TRPM3: variants seen among roughly 807,000 people sequenced by gnomAD.
The protein encoded by TRPM3 is long transient receptor potential channel 3.
Under a neutral mutation model 181.2 loss-of-function variants are expected in TRPM3, and 77 were observed. The observed-to-expected ratio is 0.42, with a 90% CI of 0.35 to 0.51. TRPM3 has a LOEUF of 0.51. Ranked by LOEUF, TRPM3 falls within the 20% of genes least tolerant of loss-of-function variation. The pLI, the probability that TRPM3 is intolerant of heterozygous loss-of-function variation, is 0.01. For synonymous variants in TRPM3, 745 were observed against 796.4 expected (o/e 0.94, Z 1.09); for missense variants, 1,759 against 2,196.7 (o/e 0.80, Z 3.98).
At chr9:71,192,532 A>T (rs1302915702) in intron 1 of TRPM3, among the ~76,000 whole-genome samples, 3 of 151,912 alleles carry the variant, frequency 2.0e-5, no homozygotes, top group Non-Finnish European at 4.4e-5. Flanking sequence ...ATGTTTTCAC[A>T]TACTTGTTGG....
At chr9:71,123,484 T>A (rs1286117298), upstream of TRPM3, among the ~76,000 whole-genome samples, 1 of 152,202 alleles carries the variant, frequency 6.6e-6, no homozygotes, top group Admixed American at 6.5e-5. Flanking sequence ...GGCAAAGCAC[T>A]TAGAACAGTG....
intron 25 of TRPM3, among the ~76,000 whole-genome samples, chr9:70,546,676 GA>G (rs76948604): frequency 0.11 from 9,132 of 86,542 alleles, 864 homozygotes; most frequent in African/African-American, 0.31. Flanking sequence ...CTCCTCATCG[GA>G]AAAAAAAAAA....
chr9:71,398,916 A>T (rs1350434396), intron 1 of TRPM3, among the ~76,000 whole-genome samples: 2 of 152,234 alleles, frequency 1.3e-5, no homozygotes, highest in African/African-American at 4.8e-5. Flanking sequence ...AGTAATGTAA[A>T]CTTTAAAATG....
chr9:70,770,058 A>C (rs2079919847), intron 7 of TRPM3, among the ~76,000 whole-genome samples: 1 of 152,126 alleles, frequency 6.6e-6, no homozygotes, highest in Non-Finnish European at 1.5e-5. Context: ...TATCTCTAAG[A>C]AATATTATTG....
At chr9:71,414,743 G>A (rs984420822) in intron 1 of TRPM3, among the ~76,000 whole-genome samples, 20 of 151,962 alleles carry the variant, frequency 1.3e-4, no homozygotes, top group African/African-American at 4.3e-4. Context: ...CCCAAGATTC[G>A]TATGATTATT....
chr9:70,858,133 C>G (rs1015193806), intron 3 of TRPM3, among the ~76,000 whole-genome samples: 40 of 152,292 alleles, frequency 2.6e-4, no homozygotes, highest in African/African-American at 8.9e-4. Context: ...AACACAAGGG[C>G]TTCAACTTGG....
At chr9:70,549,916 C>G (rs2131819855) in intron 24 of TRPM3, among the ~76,000 whole-genome samples, 1 of 152,188 alleles carries the variant, frequency 6.6e-6, no homozygotes, top group Non-Finnish European at 1.5e-5. Flanking sequence ...ACTGCAGGAG[C>G]TGAGTAGAAT....
chr9:70,575,440 A>G (rs1280382036), intron 22 of TRPM3, among the ~76,000 whole-genome samples: 1 of 152,076 alleles, frequency 6.6e-6, no homozygotes, highest in Non-Finnish European at 1.5e-5. Context: ...ATTCTTTCCC[A>G]AATTTTGGTC....
Position 70,625,631 on chromosome 9 carries a change from G to T in TRPM3, c.1633-114C>A, listed in dbSNP as rs548439932. ...GGGAGAAAAAAACACCAGTGTAGAA[G>T]AAAGAAACACAAGGCTAGACAGGGC... On this transcript the variant is annotated intron_variant, in intron 12 of 25. Transcript: ENST00000677713. This position sits in a 1 kb window ranked among gnomAD's most constrained non-coding sequence, Gnocchi z 4.8. 4.0e-4 allele frequency: 431 copies of T among 1,075,948 alleles called. 1 individual carries two copies. The highest frequency in any genetic ancestry group is 5.6e-4 in the Non-Finnish European group (405 of 728,080). The allele number at this position is 1,075,948 out of a possible 1,614,324, so 66.7% of individuals were successfully genotyped here.
At chr9:70,756,455 A>T (rs1224302850) in intron 8 of TRPM3, among the ~76,000 whole-genome samples, 1 of 152,166 alleles carries the variant, frequency 6.6e-6, no homozygotes, top group Admixed American at 6.6e-5. Context: ...AATAACAAGG[A>T]TATTCATGAC....
At chr9:70,577,058 G>C (rs62545471) in intron 22 of TRPM3, among the ~76,000 whole-genome samples, 38,299 of 152,056 alleles carry the variant, frequency 0.25, 5,318 homozygotes, top group Admixed American at 0.32. Flanking sequence ...AGTGACTCTT[G>C]ATCCTGCTAG....
At chr9:71,163,526 GAT>G (rs1044867526) in intron 1 of TRPM3, among the ~76,000 whole-genome samples, 1 of 152,148 alleles carries the variant, frequency 6.6e-6, no homozygotes, top group African/African-American at 2.4e-5. Flanking sequence ...GGAAAAGAAT[GAT>G]GAGAGTTTGA....
chr9:70,996,060 C>A (rs1281982552), intron 1 of TRPM3, among the ~76,000 whole-genome samples: 2 of 150,160 alleles, frequency 1.3e-5, no homozygotes, highest in East Asian at 3.9e-4. Context: ...TGTCTTACTC[C>A]TTTTATAATC....
chr9:70,951,765 A>G (rs966158688), intron 1 of TRPM3, among the ~76,000 whole-genome samples: 1 of 152,194 alleles, frequency 6.6e-6, no homozygotes, highest in Non-Finnish European at 1.5e-5. Context: ...GAGTTTCTGT[A>G]CTAACTTCCA....
intron 1 of TRPM3, among the ~76,000 whole-genome samples, chr9:70,933,993 G>A (rs2096799965): frequency 6.6e-6 from 1 of 152,060 alleles, no homozygotes; most frequent in Admixed American, 6.6e-5. Context: ...TACCATCTTA[G>A]GGGTTCAATT....
chr9:71,415,317 G>A (rs963443012), intron 1 of TRPM3, among the ~76,000 whole-genome samples: 2 of 152,028 alleles, frequency 1.3e-5, no homozygotes, highest in Non-Finnish European at 2.9e-5. Flanking sequence ...AACTTCTGTT[G>A]TCTTAAGCTA....
At chr9:70,808,693 C>T (rs189950247) in intron 6 of TRPM3, among the ~76,000 whole-genome samples, 181 of 152,232 alleles carry the variant, frequency 1.2e-3, no homozygotes, top group African/African-American at 4.3e-3. Flanking sequence ...AGGGAAGACC[C>T]TCTAAAAGGC....
intron 2 of TRPM3, 135 bp downstream of exon 2, chr9:70,864,297 C>G (rs10780981): frequency 3.6e-6 from 2 of 558,390 alleles, no homozygotes; most frequent in Admixed American, 3.5e-5. Flanking sequence ...ATAAGATTGC[C>G]TCAAAGATGT....
At position 70,917,193 on chromosome 9, in the gene TRPM3, C is replaced by T. The variant is rs752971249; in HGVS notation, c.178-52682G>A. 17 of 1,604,476 alleles carry T rather than the reference C, an allele frequency of 1.1e-5. 1 individual carries two copies. The highest frequency in any genetic ancestry group is 1.3e-5 in the Non-Finnish European group (15 of 1,172,434). ...AGGAGGAGTTTCTGCTTTTTAAACA[C>T]AACTTTATTGAAGTCCTGGATTGCA... On this transcript the variant is annotated intron_variant, in intron 1 of 25. Coordinates refer to ENST00000677713, the MANE Select transcript of TRPM3 (RefSeq NM_001366145.2).
Sources: allele counts gnomAD v4.1 joint callset (sites outside exome capture counted in the v4.1 genomes callset), GRCh38; gene constraint gnomAD v4.1.1; non-coding constraint Gnocchi (gnomAD v3.1); transcripts MANE v1.5; gene names NCBI Gene and HGNC (gene_info 2026-07-23, HGNC 2026-07-21).